BTAF1: variants seen among roughly 807,000 people sequenced by gnomAD.
BTAF1 encodes the protein B-TFIID TATA-box binding protein associated factor 1.
Under a neutral mutation model 227.1 loss-of-function variants are expected in BTAF1, and 38 were observed. The ratio of observed to expected loss-of-function variants is 0.17; its 90% CI spans 0.13 to 0.22. The LOEUF is 0.22. Ranked by LOEUF, BTAF1 falls within the 10% of genes least tolerant of loss-of-function variation. BTAF1 has a pLI of 1.00. For synonymous variants in BTAF1, 742 were observed against 751.9 expected, an observed-to-expected ratio of 0.99 and a Z score of 0.21; for missense variants, 1,598 against 2,204.0, an observed-to-expected ratio of 0.73 and a Z score of 5.51.
intron 12 of BTAF1, among the ~76,000 whole-genome samples, chr10:91,963,698 T>A (rs1024156962): frequency 9.9e-5 from 15 of 152,218 alleles, no homozygotes; most frequent in Non-Finnish European, 1.9e-4. Context: ...AAATTTTTTT[T>A]ATGATGATTA....
At chr10:91,946,174 CAT>C (rs765973405) in intron 4 of BTAF1, among the ~76,000 whole-genome samples, 34 of 152,146 alleles carry the variant, frequency 2.2e-4, no homozygotes, top group Non-Finnish European at 1.0e-4. Flanking sequence ...GCCTGACCAA[CAT>C]GGAGAAACCC....
In BTAF1 at chr10:91,923,940, C is replaced by G; in HGVS notation, c.-137C>G. On this transcript the variant is annotated 5_prime_UTR_variant, in exon 1 of 38. Transcript: ENST00000265990. ...CAGGGCAGATGCCCGAGGGCCTGCG[C>G]TGGAACGCCCCACGCCGCACCGGCC... The G allele has an allele frequency of 2.6e-6, 3 of 1,145,362 alleles. No homozygotes were observed. The highest frequency in any genetic ancestry group is 3.5e-6 in the Non-Finnish European group (3 of 861,846). The allele number at this position is 1,145,362 out of a possible 1,614,324, so 70.9% of individuals were successfully genotyped here.
Position 91,974,108 on chromosome 10 carries a change from T to C in BTAF1, c.1651-6346T>C, listed in dbSNP as rs1847516060. Among the ~76,000 whole-genome samples, 4 of 152,326 alleles carry C rather than the reference T, an allele frequency of 2.6e-5. No individual in the cohort carries two copies. The South Asian group carries it at 8.3e-4, about 32-fold the overall frequency. ...GAAACTCACCTGAATTACTAGTAGCTGTGTCCTGGTTTCAGTTTCTAACTT... is the reference window on the plus strand; with the variant it reads ...GAAACTCACCTGAATTACTAGTAGCCGTGTCCTGGTTTCAGTTTCTAACTT... On this transcript the variant is annotated intron_variant, in intron 14 of 37. Coordinates refer to ENST00000265990, the MANE Select transcript of BTAF1 (RefSeq NM_003972.3).
chr10:91,954,928 T>C (rs957392720), intron 6 of BTAF1, among the ~76,000 whole-genome samples: 5 of 152,228 alleles, frequency 3.3e-5, no homozygotes, highest in African/African-American at 1.2e-4. Flanking sequence ...AGGAAATGTT[T>C]GCATAAATGC....
At chr10:91,957,511 C>T (rs1026392258) in intron 8 of BTAF1, among the ~76,000 whole-genome samples, 5 of 152,158 alleles carry the variant, frequency 3.3e-5, no homozygotes, top group East Asian at 3.8e-4. Flanking sequence ...TATTTCTTTT[C>T]GTTCTTTAAA....
intron 14 of BTAF1, among the ~76,000 whole-genome samples, chr10:91,975,034 C>A (rs532438981): frequency 1.3e-5 from 2 of 152,242 alleles, no homozygotes; most frequent in South Asian, 4.1e-4. Flanking sequence ...ATATATATAT[C>A]TATCAGTGAA....
chr10:91,952,404 C>A (rs1438844342), intron 5 of BTAF1, among the ~76,000 whole-genome samples: 10 of 152,086 alleles, frequency 6.6e-5, no homozygotes, highest in Admixed American at 6.6e-4. Flanking sequence ...TTTTGAAGCT[C>A]TAGTAAAAGC....
At chr10:92,000,412 AT>A (rs968833863) in intron 25 of BTAF1, among the ~76,000 whole-genome samples, 1 of 152,204 alleles carries the variant, frequency 6.6e-6, no homozygotes, top group African/African-American at 2.4e-5. Context: ...TGAAAGTAGT[AT>A]TTTAGGAAAA....
chr10:91,962,974 T>C (rs894382274), intron 12 of BTAF1, among the ~76,000 whole-genome samples: 16 of 152,084 alleles, frequency 1.1e-4, no homozygotes, highest in Non-Finnish European at 2.2e-4. Flanking sequence ...TTTGTTTGTT[T>C]TGATTTTAGT....
Position 92,031,317 on chromosome 10 carries a change from G to A in BTAF1, c.*2384G>A, listed in dbSNP as rs1851881881. Among the ~76,000 whole-genome samples the A allele has an allele frequency of 6.6e-6, 1 of 152,104 alleles. No individual in the cohort carries two copies. The highest frequency in any genetic ancestry group is 1.5e-5 in the Non-Finnish European group (1 of 68,012). ...TATTCTACAAACATTTCTCCAAAAAGTATTCTAGTGAAAGGGTAAAAGTCT... is the reference window on the plus strand; with the variant it reads ...TATTCTACAAACATTTCTCCAAAAAATATTCTAGTGAAAGGGTAAAAGTCT... On this transcript the variant is annotated 3_prime_UTR_variant, in exon 38 of 38. Coordinates refer to ENST00000265990, the MANE Select transcript of BTAF1 (RefSeq NM_003972.3).
intron 21 of BTAF1, among the ~76,000 whole-genome samples, 178 bp downstream of exon 21, chr10:91,992,487 C>A (rs1848862119): frequency 6.6e-6 from 1 of 152,026 alleles, no homozygotes; most frequent in Non-Finnish European, 1.5e-5. Context: ...TATCTCATGT[C>A]TCTTGTAATT....
At chr10:91,929,400 C>T (rs1589732382) in intron 1 of BTAF1, among the ~76,000 whole-genome samples, 1 of 152,206 alleles carries the variant, frequency 6.6e-6, no homozygotes, top group South Asian at 2.1e-4. Context: ...TTAGATTTCT[C>T]ACATATCTTT....
intron 19 of BTAF1, among the ~76,000 whole-genome samples, chr10:91,987,462 G>C (rs537838089): frequency 6.6e-6 from 1 of 151,962 alleles, no homozygotes; most frequent in East Asian, 1.9e-4. Context: ...CAGCCTGGGT[G>C]ACAGAGTGAG....
At chr10:91,969,435 A>G (rs749002217) in intron 14 of BTAF1, among the ~76,000 whole-genome samples, 3 of 152,224 alleles carry the variant, frequency 2.0e-5, no homozygotes, top group Admixed American at 6.5e-5. Context: ...TGAGTCAGTC[A>G]CCAATATTAT....
At chr10:91,980,415 A>C in intron 14 of BTAF1, 39 bp from the exon 15 acceptor site, 1 of 1,456,114 alleles carries the variant, frequency 6.9e-7, no homozygotes, top group South Asian at 1.2e-5. Flanking sequence ...ACATCCAAGA[A>C]TTATATGCTA....
intron 33 of BTAF1, among the ~76,000 whole-genome samples, chr10:92,017,243 G>A (rs1850801634): frequency 6.6e-6 from 1 of 152,196 alleles, no homozygotes; most frequent in Admixed American, 6.5e-5. Context: ...CTGAGAAGGT[G>A]ACATTTGAGC....
At chr10:91,975,124 A>G (rs1001936207) in intron 14 of BTAF1, among the ~76,000 whole-genome samples, 1 of 152,060 alleles carries the variant, frequency 6.6e-6, no homozygotes, top group Non-Finnish European at 1.5e-5. Flanking sequence ...TGAATCTCCT[A>G]TTTTGCCTTC....
intron 11 of BTAF1, among the ~76,000 whole-genome samples, chr10:91,961,122 T>C (rs1213915396): frequency 1.3e-5 from 2 of 152,160 alleles, no homozygotes; most frequent in African/African-American, 4.8e-5. Flanking sequence ...AATAGTTGTC[T>C]TGACTCTGAA....
intron 19 of BTAF1, among the ~76,000 whole-genome samples, chr10:91,986,583 AGTTATTTTCCCGAGTGTT>A (rs1848406972): frequency 1.3e-5 from 2 of 152,026 alleles, no homozygotes; most frequent in Non-Finnish European, 2.9e-5. Flanking sequence ...TCTTTTATAA[AGTTATTTTCCCGAGTGTT>A]GTTATTCTGT....
Sources: gnomAD v4.1 joint callset for allele counts (sites outside exome capture counted in the v4.1 genomes callset) on GRCh38, gnomAD v4.1.1 for gene constraint, MANE v1.5 for transcripts, NCBI Gene and HGNC (gene_info 2026-07-23, HGNC 2026-07-21) for gene names.